Variants in LRFN5 observed in about 807,000 individuals in gnomAD.
LRFN5 encodes the protein leucine rich repeat and fibronectin type III domain containing 5, also known as leucine-rich repeat and fibronectin type-III domain-containing protein 5.
LRFN5 carries 24 observed loss-of-function variants against 45.6 expected under a neutral mutation model. The ratio of observed to expected loss-of-function variants is 0.53; its 90% CI spans 0.38 to 0.74. The LOEUF (loss-of-function observed/expected upper bound fraction) is 0.74. LRFN5 is among the 30% of genes least tolerant of loss of function. The pLI is 0.00. For missense variants in LRFN5, 776 were observed against 861.5 expected (o/e 0.90, Z 1.24); for synonymous variants, 340 against 313.8 (o/e 1.08, Z -0.88).
At chr14:41,636,842 A>G (rs573127178) in intron 1 of LRFN5, among the ~76,000 whole-genome samples, 1 of 152,236 alleles carries the variant, frequency 6.6e-6, no homozygotes, top group African/African-American at 2.4e-5. Context: ...AAAGCTTACT[A>G]GGGCAGATTG....
At chr14:41,677,632 A>C (rs2138677672) in intron 1 of LRFN5, among the ~76,000 whole-genome samples, 1 of 152,250 alleles carries the variant, frequency 6.6e-6, no homozygotes, top group East Asian at 1.9e-4. Context: ...TAGAGGGCTT[A>C]ACAGTAGATT....
chr14:41,893,276 GA>G (rs1187773853), intron 4 of LRFN5: 1 of 950,696 alleles, frequency 1.1e-6, no homozygotes, highest in Non-Finnish European at 1.3e-6. Context: ...GAAATTTACT[GA>G]AATTAAGGTC....
intron 1 of LRFN5, among the ~76,000 whole-genome samples, chr14:41,648,446 C>A (rs901795581): frequency 1.3e-5 from 2 of 151,900 alleles, no homozygotes; most frequent in Non-Finnish European, 2.9e-5. Flanking sequence ...TCTAGGCAAC[C>A]AAGCGAGACT....
At chr14:41,799,852 G>A (rs1887263408) in intron 2 of LRFN5, among the ~76,000 whole-genome samples, 1 of 151,576 alleles carries the variant, frequency 6.6e-6, no homozygotes. Flanking sequence ...TAGTATTTGT[G>A]TCCTAAAAAT....
At chr14:41,726,648 T>C (rs1412240054) in intron 1 of LRFN5, among the ~76,000 whole-genome samples, 1 of 152,140 alleles carries the variant, frequency 6.6e-6, no homozygotes, top group Non-Finnish European at 1.5e-5. Flanking sequence ...TTTTTGACTT[T>C]TTAATGGCCA....
At position 41,724,286 on chromosome 14, in the gene LRFN5, G is replaced by GA. The variant is rs1566637691; in HGVS notation, c.-196-42560dup. Among the ~76,000 whole-genome samples, 4 of 151,766 alleles carry GA rather than the reference G, an allele frequency of 2.6e-5. No homozygotes were observed. In the South Asian group the frequency reaches 6.3e-4, roughly 24 times the overall value. On this transcript the variant is annotated intron_variant, in intron 1 of 5. Transcript: ENST00000298119. ...AAAATCCCCTGGTATTCCATCTTGGGAAAAAAAACTAAAATGACTTTGAAA... is the reference window on the plus strand; with the variant it reads ...AAAATCCCCTGGTATTCCATCTTGGGAAAAAAAAACTAAAATGACTTTGAAA...
At chr14:41,777,650 C>G (rs1886338460) in intron 2 of LRFN5, among the ~76,000 whole-genome samples, 1 of 151,730 alleles carries the variant, frequency 6.6e-6, no homozygotes, top group African/African-American at 2.4e-5. Flanking sequence ...GCTAGGAGCT[C>G]TATTACATTG....
At chr14:41,616,590 T>C (rs1887932913) in intron 1 of LRFN5, among the ~76,000 whole-genome samples, 1 of 152,164 alleles carries the variant, frequency 6.6e-6, no homozygotes, top group Non-Finnish European at 1.5e-5. Context: ...TATGAGGTTA[T>C]CTAATTCCTA....
intron 1 of LRFN5, among the ~76,000 whole-genome samples, chr14:41,750,267 T>TATATATA (rs1885074166): frequency 4.2e-5 from 6 of 144,384 alleles, no homozygotes; most frequent in Non-Finnish European, 7.6e-5. Context: ...GTAACTTTTC[T>TATATATA]TATATATATA....
At chr14:41,815,891 T>C (rs1260107423) in intron 2 of LRFN5, among the ~76,000 whole-genome samples, 1 of 152,182 alleles carries the variant, frequency 6.6e-6, no homozygotes, top group Non-Finnish European at 1.5e-5. Flanking sequence ...TGATGTCCAG[T>C]GTGAGTATTG....
intron 1 of LRFN5, among the ~76,000 whole-genome samples, chr14:41,692,568 C>G (rs531781264): frequency 4.5e-4 from 68 of 152,194 alleles, no homozygotes; most frequent in African/African-American, 1.4e-3. Context: ...CTCCTAACTT[C>G]CCCCACACCA....
chr14:41,729,853 T>C (rs1452356346), intron 1 of LRFN5, among the ~76,000 whole-genome samples: 6 of 152,022 alleles, frequency 3.9e-5, no homozygotes, highest in African/African-American at 1.4e-4. Context: ...TTTGGAGTTT[T>C]AAATATTTTA....
At chr14:41,765,985 T>G (rs572526612) in intron 1 of LRFN5, among the ~76,000 whole-genome samples, 1 of 152,286 alleles carries the variant, frequency 6.6e-6, no homozygotes, top group East Asian at 1.9e-4. Flanking sequence ...GCAGAAATAA[T>G]AAGCTAAACT....
intron 2 of LRFN5, among the ~76,000 whole-genome samples, chr14:41,782,001 T>C (rs1462776057): frequency 6.6e-6 from 1 of 152,122 alleles, no homozygotes; most frequent in East Asian, 1.9e-4. Context: ...TAAATGTATG[T>C]TTCTTGGCAT....
chr14:41,794,562 G>A (rs1167980100), intron 2 of LRFN5, among the ~76,000 whole-genome samples: 1 of 151,972 alleles, frequency 6.6e-6, no homozygotes. Flanking sequence ...TCATATGCAG[G>A]ATAAGTGCAT....
intron 1 of LRFN5, among the ~76,000 whole-genome samples, chr14:41,746,601 G>T (rs57130262): frequency 0.17 from 25,136 of 151,620 alleles, 2,156 homozygotes; most frequent in Admixed American, 0.19. Context: ...ATACCTCTTT[G>T]CCAGTTATAT....
intron 1 of LRFN5, among the ~76,000 whole-genome samples, chr14:41,619,017 T>G (rs553920250): frequency 6.7e-6 from 1 of 149,230 alleles, no homozygotes; most frequent in Admixed American, 6.8e-5. Flanking sequence ...TTAGAGAAGC[T>G]TCTCTGAAAA....
At chr14:41,809,546 A>T (rs573494606) in intron 2 of LRFN5, among the ~76,000 whole-genome samples, 1 of 151,950 alleles carries the variant, frequency 6.6e-6, no homozygotes, top group Non-Finnish European at 1.5e-5. Flanking sequence ...ATTAAAATAT[A>T]TAAGTCAAGT....
Position 41,775,093 on chromosome 14 carries a change from C to CT in LRFN5, c.-21+8079dup, listed in dbSNP as rs59438733. Among the ~76,000 whole-genome samples the CT allele has an allele frequency of 8.4e-4, 95 of 112,478 alleles. 2 individuals are homozygous for CT. Among genetic ancestry groups the CT allele is most frequent in the Middle Eastern group, 5.1e-3 (1 of 198 alleles). The allele number at this position is 112,478 out of a possible 152,430, so 73.8% of individuals were successfully genotyped here. ...AGATTTGATGCTACTTTTTCTTTTTCTTTTTTTTTTTTTTTGAGACGGAGT... is the reference window on the plus strand; with the variant it reads ...AGATTTGATGCTACTTTTTCTTTTTCTTTTTTTTTTTTTTTTGAGACGGAGT... On this transcript the variant is annotated intron_variant, in intron 2 of 5. Coordinates refer to ENST00000298119, the MANE Select transcript of LRFN5 (RefSeq NM_152447.5).
Sources: gnomAD v4.1 joint callset for allele counts (sites outside exome capture counted in the v4.1 genomes callset) on GRCh38, gnomAD v4.1.1 for gene constraint, MANE v1.5 for transcripts, NCBI Gene and HGNC (gene_info 2026-07-23, HGNC 2026-07-21) for gene names.